Variants in SERPINB7 observed in about 807,000 individuals in gnomAD.
SERPINB7 encodes serpin B7.
In SERPINB7, 31 loss-of-function variants were observed where a neutral mutation model predicts 37.4. That is an observed-to-expected ratio of 0.83 (90% CI 0.62 to 1.12). The LOEUF is 1.12. Among genes scored for constraint, SERPINB7 ranks in the 50% most tolerant of loss-of-function variants. The pLI is 0.00. For missense variants in SERPINB7, 521 were observed against 455.3 expected (o/e 1.14, Z -1.31); for synonymous variants, 163 against 166.1 (o/e 0.98, Z 0.14).
At chr18:63,786,088 A>G (rs1169161391) in intron 2 of SERPINB7, among the ~76,000 whole-genome samples, 9 of 97,070 alleles carry the variant, frequency 9.3e-5, no homozygotes, top group African/African-American at 4.5e-4. Flanking sequence ...ACATATATAC[A>G]TATAATATAA....
intron 4 of SERPINB7, among the ~76,000 whole-genome samples, chr18:63,793,513 G>A: frequency 6.6e-6 from 1 of 152,184 alleles, no homozygotes; most frequent in East Asian, 1.9e-4. Context: ...AAGAGAACGT[G>A]TCTATTGGTA....
intron 1 of SERPINB7, among the ~76,000 whole-genome samples, chr18:63,769,609 T>C (rs2049198903): frequency 6.6e-6 from 1 of 152,152 alleles, no homozygotes; most frequent in Admixed American, 6.6e-5. Context: ...TAGACAGCAA[T>C]GGTTTTAATG....
intron 2 of SERPINB7, among the ~76,000 whole-genome samples, chr18:63,783,226 GAGAGAGAGAA>G (rs1262988917): frequency 2.3e-3 from 144 of 62,710 alleles, no homozygotes; most frequent in Admixed American, 3.6e-3. Flanking sequence ...GAGAGAGAGA[GAGAGAGAGAA>G]AGAAAGAAAG....
chr18:63,803,848 G>C (rs140002351), intron 7 of SERPINB7, among the ~76,000 whole-genome samples: 15 of 152,248 alleles, frequency 9.9e-5, no homozygotes, highest in African/African-American at 3.4e-4. Flanking sequence ...TGTCTTTCAT[G>C]ATGAGGAGAT....
chr18:63,754,549 A>G (rs904601006), intron 1 of SERPINB7, among the ~76,000 whole-genome samples: 3 of 152,136 alleles, frequency 2.0e-5, no homozygotes, highest in African/African-American at 7.2e-5. Flanking sequence ...GGTCAGAGGT[A>G]ACACTAGTCA....
intron 1 of SERPINB7, among the ~76,000 whole-genome samples, chr18:63,781,013 T>C (rs927763746): frequency 6.6e-6 from 1 of 152,242 alleles, no homozygotes. Flanking sequence ...TTTTTTTAAT[T>C]TTTTAACTCA....
chr18:63,754,458 G>A (rs1244188558), intron 1 of SERPINB7, among the ~76,000 whole-genome samples: 1 of 152,150 alleles, frequency 6.6e-6, no homozygotes, highest in African/African-American at 2.4e-5. Flanking sequence ...GGAGAACACC[G>A]GTAAACAGAT....
At chr18:63,767,979 A>G (rs1443108834) in intron 1 of SERPINB7, among the ~76,000 whole-genome samples, 1 of 152,218 alleles carries the variant, frequency 6.6e-6, no homozygotes, top group Non-Finnish European at 1.5e-5. Context: ...TTTTTAAAAA[A>G]ATTCTTTTAA....
chr18:63,782,632 A>T, intron 2 of SERPINB7, 92 bp downstream of exon 2: 1 of 1,251,564 alleles, frequency 8.0e-7, no homozygotes, highest in Non-Finnish European at 1.1e-6. Context: ...AATGGAGGTC[A>T]TCATGAGGCA....
intron 1 of SERPINB7, among the ~76,000 whole-genome samples, chr18:63,779,839 G>T (rs1185072335): frequency 3.3e-5 from 5 of 151,964 alleles, no homozygotes; most frequent in African/African-American, 1.2e-4. Flanking sequence ...AGTAATTAAA[G>T]AATACTATTC....
At chr18:63,753,156 G>A (rs548968163) in intron 1 of SERPINB7, 5 of 152,228 alleles carry the variant, frequency 3.3e-5, no homozygotes, top group African/African-American at 1.2e-4. Context: ...AGGCTTCTGA[G>A]TATGCTTAGA....
At chr18:63,778,833 C>T (rs1393802753) in intron 1 of SERPINB7, among the ~76,000 whole-genome samples, 1 of 152,032 alleles carries the variant, frequency 6.6e-6, no homozygotes, top group Non-Finnish European at 1.5e-5. Context: ...CTTTTAGACC[C>T]TCAAGTCTGA....
At chr18:63,798,491 A>C in intron 5 of SERPINB7, 113 bp from the exon 6 acceptor site, 1 of 734,756 alleles carries the variant, frequency 1.4e-6, no homozygotes, top group South Asian at 2.2e-5. Context: ...TAATATTCTT[A>C]TTGGTGTTAT....
At chr18:63,785,845 CCT>C (rs974502750) in intron 2 of SERPINB7, among the ~76,000 whole-genome samples, 1 of 147,872 alleles carries the variant, frequency 6.8e-6, no homozygotes, top group Non-Finnish European at 1.5e-5. Flanking sequence ...GCTACTTACT[CCT>C]CTCTTCTCTC....
chr18:63,777,319 T>G (rs912863135), intron 1 of SERPINB7, among the ~76,000 whole-genome samples: 1 of 152,106 alleles, frequency 6.6e-6, no homozygotes, highest in Admixed American at 6.6e-5. Flanking sequence ...TCTCTGGGAC[T>G]GCAGTGCTAC....
At chr18:63,793,795 C>T (rs1399721509) in intron 4 of SERPINB7, among the ~76,000 whole-genome samples, 1 of 152,122 alleles carries the variant, frequency 6.6e-6, no homozygotes, top group Non-Finnish European at 1.5e-5. Context: ...GCCATCTTGC[C>T]TGGCCAAATT....
intron 1 of SERPINB7, among the ~76,000 whole-genome samples, chr18:63,754,878 G>GTATT (rs2049111485): frequency 1.1e-5 from 1 of 90,158 alleles, no homozygotes; most frequent in African/African-American, 3.6e-5. Flanking sequence ...TTAAACTGAG[G>GTATT]TCTTTTTTTT....
At chr18:63,798,816 T>C in intron 6 of SERPINB7, 70 bp downstream of exon 6, 2 of 1,488,686 alleles carry the variant, frequency 1.3e-6, no homozygotes, top group African/African-American at 1.4e-5. Context: ...ACTGTGATAG[T>C]TACATAGTAA....
chr18:63,766,579 C>T (rs773466012), intron 1 of SERPINB7, among the ~76,000 whole-genome samples: 2 of 152,106 alleles, frequency 1.3e-5, no homozygotes, highest in African/African-American at 4.8e-5. Context: ...TAAACTTTTG[C>T]TCATGCCCTT....
Sources: gnomAD v4.1 joint callset for allele counts (sites outside exome capture counted in the v4.1 genomes callset) on GRCh38, gnomAD v4.1.1 for gene constraint, MANE v1.5 for transcripts, NCBI Gene and HGNC (gene_info 2026-07-23, HGNC 2026-07-21) for gene names.